The following HDLBP variants were observed in gnomAD, a reference collection of about 807,000 sequenced individuals.
HDLBP encodes vigilin.
HDLBP carries 30 observed loss-of-function variants against 137.3 expected under a neutral mutation model. The ratio of observed to expected loss-of-function variants is 0.22; its 90% CI spans 0.16 to 0.30. The LOEUF (loss-of-function observed/expected upper bound fraction) is 0.30, where lower values mean the gene tolerates loss of function less well. Ranked by LOEUF, HDLBP falls within the 10% of genes least tolerant of loss-of-function variation. The pLI is 1.00. For missense variants in HDLBP, 1,119 were observed against 1,667.3 expected (o/e 0.67, Z 5.73); for synonymous variants, 606 against 596.0 (o/e 1.02, Z -0.24).
At chr2:241,302,609 T>C (rs900500516) in intron 1 of HDLBP, 3 of 152,314 alleles carry the variant, frequency 2.0e-5, no homozygotes, top group Middle Eastern at 3.4e-3. Flanking sequence ...AATTTTACAC[T>C]TGTACTGTTG....
rs146481973 is a variant in HDLBP at position 241,312,772 on chromosome 2, C to T, written c.-103+2798G>A. On this transcript the variant is annotated intron_variant, in intron 1 of 27. Coordinates refer to ENST00000310931, the MANE Select transcript of HDLBP (RefSeq NM_005336.6). ...CAAAAAGCATGTTCTCTGCTTAAGC[C>T]CTTTCTGTAAGTTTCAGCTGGGACG... Among the ~76,000 whole-genome samples, 529 of 152,160 alleles carry T rather than the reference C, an allele frequency of 3.5e-3. 2 individuals carry two copies. The highest frequency in any genetic ancestry group is 0.031 in the Middle Eastern group (9 of 294).
At chr2:241,270,001 C>T (rs2073938800) in intron 1 of HDLBP, among the ~76,000 whole-genome samples, 1 of 152,222 alleles carries the variant, frequency 6.6e-6, no homozygotes, top group South Asian at 2.1e-4. Context: ...AAGCTAGGTT[C>T]TGGGCAAGTC....
rs916542403 is a variant in HDLBP, at chr2:241,239,179, C to T, written c.2611-392G>A. On this transcript the variant is annotated intron_variant, in intron 19 of 27. Transcript: ENST00000310931. The surrounding 1 kb of genome is among the most constrained non-coding windows in gnomAD (Gnocchi z 4.6). Reference sequence around the variant, plus strand: ...CTCTAAAGACTGCTTCTAAAGACCACGTCTTCTCATGACTTCCCATGGATT... The same window carrying T: ...CTCTAAAGACTGCTTCTAAAGACCATGTCTTCTCATGACTTCCCATGGATT... 5.9e-5 allele frequency among the ~76,000 whole-genome samples: 9 copies of T among 152,222 alleles called. No homozygotes were observed. The highest frequency in any genetic ancestry group is 7.3e-5 in the Non-Finnish European group (5 of 68,042).
chr2:241,301,105 C>G (rs2075382714), intron 1 of HDLBP, among the ~76,000 whole-genome samples: 1 of 150,962 alleles, frequency 6.6e-6, no homozygotes, highest in South Asian at 2.1e-4. Flanking sequence ...GCCTCCCCAG[C>G]AGCTGGGACT....
At chr2:241,266,596 T>C in intron 3 of HDLBP, 198 bp downstream of exon 3, 1 of 561,874 alleles carries the variant, frequency 1.8e-6, no homozygotes, top group Non-Finnish European at 3.2e-6. Flanking sequence ...TCACTGTACT[T>C]GATTCATTTC....
At chr2:241,306,741 C>G (rs2075589943) in intron 1 of HDLBP, among the ~76,000 whole-genome samples, 1 of 151,710 alleles carries the variant, frequency 6.6e-6, no homozygotes, top group Admixed American at 6.6e-5. Flanking sequence ...AACCCTATCT[C>G]TACTATTGTG....
chr2:241,227,358 C>T lies in HDLBP; in HGVS notation c.*2243G>A, dbSNP rs2069228492. On this transcript the variant is annotated 3_prime_UTR_variant, in exon 28 of 28. Coordinates refer to ENST00000310931, the MANE Select transcript of HDLBP (RefSeq NM_005336.6). ...TCATCCATATTCATGAGCCTTTACA[C>T]ATGTTTGCATATAATCTCCAAATTC... 1 of 152,548 alleles carries T rather than the reference C, an allele frequency of 6.6e-6. No individual in the cohort carries two copies. The highest frequency in any genetic ancestry group is 1.5e-5 in the Non-Finnish European group (1 of 68,038). 9.4% of individuals were successfully genotyped at this position (152,548 alleles called of 1,614,324 possible). A position where few individuals can be genotyped will look rare whatever the true frequency, so the allele number is the denominator to read the frequency against.
At chr2:241,308,066 T>C (rs549379207) in intron 1 of HDLBP, among the ~76,000 whole-genome samples, 11 of 152,334 alleles carry the variant, frequency 7.2e-5, no homozygotes, top group Admixed American at 4.6e-4. Flanking sequence ...CAACACCTGA[T>C]TACAGAATAC....
chr2:241,261,132 C>T (rs2073132379), intron 5 of HDLBP, among the ~76,000 whole-genome samples: 1 of 146,322 alleles, frequency 6.8e-6, no homozygotes, highest in East Asian at 2.1e-4. Flanking sequence ...GAGGTCAAGG[C>T]TGCCATGAGC....
chr2:241,313,015 A>G (rs1435689488), intron 1 of HDLBP, among the ~76,000 whole-genome samples: 2 of 152,182 alleles, frequency 1.3e-5, no homozygotes, highest in African/African-American at 4.8e-5. Context: ...GCCACCAACT[A>G]TAAATGTCAG....
rs371648310 is a variant in HDLBP at position 241,242,692 on chromosome 2, C to T, written c.1951-14G>A. On this transcript the variant is annotated splice_polypyrimidine_tract_variant and intron_variant, in intron 16 of 27. Coordinates refer to ENST00000310931, the MANE Select transcript of HDLBP (RefSeq NM_005336.6). ...GGCTATGTTGGCCTGAAACCAAACA[C>T]AGGGCAGGAGGAGGAAGTCACATTT... The T allele has an allele frequency of 5.7e-5, 91 of 1,607,710 alleles. No homozygotes were observed. Among genetic ancestry groups the T allele is most frequent in the Middle Eastern group, 3.3e-4 (2 of 5,974 alleles).
chr2:241,272,825 A>ACGCTCCGAGGCGC lies in HDLBP; in HGVS notation c.-102-4297_-102-4285dup. 3.6e-6 allele frequency: 1 copy of ACGCTCCGAGGCGC among 278,642 alleles called. No homozygotes were observed. The highest frequency in any genetic ancestry group is 5.4e-6 in the Non-Finnish European group (1 of 185,762). The allele number at this position is 278,642 out of a possible 1,614,324, so 17.3% of individuals were successfully genotyped here. A position where few individuals can be genotyped will look rare whatever the true frequency, so the allele number is the denominator to read the frequency against. On this transcript the variant is annotated intron_variant, in intron 1 of 27. Transcript: ENST00000310931. This position sits in a 1 kb window ranked among gnomAD's most constrained non-coding sequence, Gnocchi z 5.6. ...CGCCCCCCGCGCGGGAGAAGCCGGG[A>ACGCTCCGAGGCGC]CGCTCCGAGGCGCGGCGCCCGGGCC...
intron 12 of HDLBP, 92 bp downstream of exon 12, chr2:241,249,749 C>T (rs1173388997): frequency 1.5e-6 from 2 of 1,300,374 alleles, no homozygotes; most frequent in Non-Finnish European, 2.1e-6. Flanking sequence ...CTTCCATTCT[C>T]TAAGGCCGCA....
At chr2:241,264,637 A>G in intron 3 of HDLBP, 32 bp from the exon 4 acceptor site, 1 of 1,602,086 alleles carries the variant, frequency 6.2e-7, no homozygotes, top group Non-Finnish European at 8.5e-7. Context: ...AAAAGGAAGC[A>G]CTACTTTTAG....
chr2:241,311,463 A>G (rs1047376811), intron 1 of HDLBP, among the ~76,000 whole-genome samples: 1 of 152,348 alleles, frequency 6.6e-6, no homozygotes, highest in East Asian at 1.9e-4. Flanking sequence ...AGGCTCCAAC[A>G]CAAGAGGGAG....
At chr2:241,249,242 G>A (rs765779335) in intron 12 of HDLBP, 2 of 457,690 alleles carry the variant, frequency 4.4e-6, no homozygotes, top group African/African-American at 4.0e-5. Flanking sequence ...GGGAACCCTG[G>A]GGCTTGTTCC....
intron 1 of HDLBP, among the ~76,000 whole-genome samples, chr2:241,298,731 T>C (rs78771393): frequency 0.026 from 3,984 of 152,302 alleles, 402 homozygotes; most frequent in Admixed American, 0.18. Flanking sequence ...GCACCACCTA[T>C]TAGGATGCAG....
At chr2:241,251,375 C>A (rs926487729) in intron 11 of HDLBP, among the ~76,000 whole-genome samples, 1 of 152,236 alleles carries the variant, frequency 6.6e-6, no homozygotes, top group African/African-American at 2.4e-5. Flanking sequence ...ACTCTCGTCG[C>A]TGTCACGTAA....
At position 241,253,408 on chromosome 2, in the gene HDLBP, G is replaced by A; in HGVS notation, c.1278C>T (p.Gly426=). 1 of 1,607,260 alleles carries A rather than the reference G, an allele frequency of 6.2e-7. No homozygotes were observed. Among genetic ancestry groups the A allele is most frequent in the Non-Finnish European group, 8.5e-7 (1 of 1,173,678 alleles). Residue 426 remains glycine (G), a synonymous_variant, in exon 10 of 28, where the codon GGC becomes GGT. Coordinates refer to ENST00000310931, the MANE Select transcript of HDLBP (RefSeq NM_005336.6). ...DVNVAQEQIE[G]MVKDLINRMD... ...GGTACCTTACCAAATCTTTGACCAT[G>A]CCTTCTATCTGTTCCTGGGCCACAT...
Sources: gnomAD v4.1 joint callset for allele counts (sites outside exome capture counted in the v4.1 genomes callset) on GRCh38, gnomAD v4.1.1 for gene constraint, Gnocchi (gnomAD v3.1) non-coding constraint, MANE v1.5 for transcripts, NCBI Gene and HGNC (gene_info 2026-07-23, HGNC 2026-07-21) for gene names.